Variants in CDC42BPA observed in about 807,000 individuals in gnomAD.
The protein encoded by CDC42BPA is serine/threonine-protein kinase MRCK alpha.
A neutral mutation model predicts 223.5 loss-of-function variants in CDC42BPA; 80 were observed. That is an observed-to-expected ratio of 0.36 (90% CI 0.30 to 0.43). The LOEUF (loss-of-function observed/expected upper bound fraction) is 0.43. Among genes scored for constraint, CDC42BPA ranks in the 20% least tolerant of loss-of-function variants. CDC42BPA has a pLI of 1.00. For missense variants in CDC42BPA, 1,743 were observed against 2,099.9 expected (o/e 0.83, Z 3.32); for synonymous variants, 694 against 718.6 (o/e 0.97, Z 0.55).
chr1:227,197,450 AT>A (rs1670943105), intron 4 of CDC42BPA, among the ~76,000 whole-genome samples: 1 of 152,088 alleles, frequency 6.6e-6, no homozygotes, highest in Admixed American at 6.5e-5. Context: ...CTTTAATTCT[AT>A]TTTAGTAATT....
intron 2 of CDC42BPA, among the ~76,000 whole-genome samples, chr1:227,220,497 T>A (rs1238792461): frequency 2.6e-5 from 4 of 151,756 alleles, no homozygotes; most frequent in African/African-American, 9.7e-5. Context: ...CTAACATTAA[T>A]TCTATCACTC....
At chr1:227,126,523 A>AGGAAGGAAGGAAGGAAGGAAG (rs1558556516) in intron 11 of CDC42BPA, among the ~76,000 whole-genome samples, 1 of 96,510 alleles carries the variant, frequency 1.0e-5, no homozygotes, top group Admixed American at 9.9e-5. Flanking sequence ...AAGGAAGGTA[A>AGGAAGGAAGGAAGGAAGGAAG]GAAAGGAAAA....
chr1:227,274,431 C>T (rs1350554444), intron 1 of CDC42BPA, among the ~76,000 whole-genome samples: 3 of 151,938 alleles, frequency 2.0e-5, no homozygotes, highest in African/African-American at 7.3e-5. Context: ...AGTCTCAAAC[C>T]GAAGAGAAAT....
At position 227,092,815 on chromosome 1, in the gene CDC42BPA, A is replaced by G. The variant is rs550824145; in HGVS notation, c.2250-824T>C. 5.3e-5 allele frequency among the ~76,000 whole-genome samples: 8 copies of G among 152,260 alleles called. No homozygotes were observed. In the South Asian group the frequency reaches 1.7e-3, roughly 32 times the overall value. ...GTAAATATTTTACTGCATTTTCTCT[A>G]TTATTGTGTATATACCGATTTTATT... On this transcript the variant is annotated intron_variant, in intron 15 of 36. Coordinates refer to ENST00000366766, the MANE Select transcript of CDC42BPA (RefSeq NM_001394014.1).
At chr1:227,022,170 G>A (rs759226693) in intron 32 of CDC42BPA, among the ~76,000 whole-genome samples, 1 of 152,152 alleles carries the variant, frequency 6.6e-6, no homozygotes, top group Non-Finnish European at 1.5e-5. Context: ...GATGGCTCAG[G>A]CCTATAATCC....
chr1:227,087,291 C>T (rs762784816), intron 16 of CDC42BPA, among the ~76,000 whole-genome samples: 2 of 152,116 alleles, frequency 1.3e-5, no homozygotes, highest in African/African-American at 4.8e-5. Flanking sequence ...TCCAATTGTT[C>T]CAGTACTATA....
chr1:227,237,032 G>C (rs141104588), intron 2 of CDC42BPA, among the ~76,000 whole-genome samples: 30 of 103,950 alleles, frequency 2.9e-4, no homozygotes, highest in African/African-American at 1.2e-3. Flanking sequence ...GACAGAATGA[G>C]ACCCGGTCTC....
At chr1:227,261,124 C>CTTTCTTTTTTTGTTTTTTTTTT (rs386417862) in intron 1 of CDC42BPA, among the ~76,000 whole-genome samples, 1 of 121,002 alleles carries the variant, frequency 8.3e-6, no homozygotes, top group Non-Finnish European at 1.7e-5. Context: ...TTGAGTTTTT[C>CTTTCTTTTTTTGTTTTTTTTTT]TTTTTTTTTG....
chr1:227,233,126 T>C (rs1678336182), intron 2 of CDC42BPA, among the ~76,000 whole-genome samples: 1 of 152,248 alleles, frequency 6.6e-6, no homozygotes, highest in African/African-American at 2.4e-5. Context: ...ACCTGTCTTC[T>C]GCGTCACTCA....
intron 1 of CDC42BPA, among the ~76,000 whole-genome samples, chr1:227,257,287 T>C (rs1683243539): frequency 6.6e-6 from 1 of 151,482 alleles, no homozygotes; most frequent in Admixed American, 6.6e-5. Flanking sequence ...ATATTATAAA[T>C]ATAATTTAAT....
chr1:227,060,875 C>T (rs1675785366), intron 21 of CDC42BPA, among the ~76,000 whole-genome samples: 2 of 151,798 alleles, frequency 1.3e-5, no homozygotes. Flanking sequence ...GTGCGCGCCA[C>T]CATGCCCGGC....
intron 1 of CDC42BPA, among the ~76,000 whole-genome samples, chr1:227,290,440 G>A (rs1689505740): frequency 6.6e-6 from 1 of 151,220 alleles, no homozygotes; most frequent in Non-Finnish European, 1.5e-5. Context: ...ATACTTTACT[G>A]TACATTTAAA....
chr1:227,206,332 A>G (rs1193836373), intron 3 of CDC42BPA, among the ~76,000 whole-genome samples: 3 of 138,566 alleles, frequency 2.2e-5, no homozygotes, highest in Admixed American at 1.5e-4. Flanking sequence ...TTTGTAAATG[A>G]TAAATCTGTG....
At chr1:227,084,072 T>C (rs1217404397) in intron 16 of CDC42BPA, among the ~76,000 whole-genome samples, 1 of 150,852 alleles carries the variant, frequency 6.6e-6, no homozygotes, top group Non-Finnish European at 1.5e-5. Flanking sequence ...AGTCCTGGTT[T>C]CCTTGTTGTC....
At chr1:227,003,908 G>A (rs1347419460) in intron 35 of CDC42BPA, 1 of 152,030 alleles carries the variant, frequency 6.6e-6, no homozygotes, top group East Asian at 1.9e-4. Flanking sequence ...GGTCATGTAT[G>A]TATTTTTACC....
At chr1:227,291,739 T>C (rs2148659166) in intron 1 of CDC42BPA, among the ~76,000 whole-genome samples, 1 of 152,296 alleles carries the variant, frequency 6.6e-6, no homozygotes, top group East Asian at 1.9e-4. Flanking sequence ...TCAGGTTTTC[T>C]GTTCCAACCA....
chr1:227,046,070 TGCTG>T (rs1672384736), intron 23 of CDC42BPA, among the ~76,000 whole-genome samples: 1 of 152,158 alleles, frequency 6.6e-6, no homozygotes, highest in Non-Finnish European at 1.5e-5. Context: ...CCTCCCAAAA[TGCTG>T]GCATTACAGG....
At chr1:227,157,744 T>C (rs1364822674) in intron 6 of CDC42BPA, among the ~76,000 whole-genome samples, 1 of 152,072 alleles carries the variant, frequency 6.6e-6, no homozygotes. Flanking sequence ...TTTTTCACAT[T>C]GGCTCATCTC....
chr1:227,167,543 T>C (rs552081067), intron 5 of CDC42BPA, among the ~76,000 whole-genome samples: 1 of 152,314 alleles, frequency 6.6e-6, no homozygotes, highest in African/African-American at 2.4e-5. Context: ...GGTTCCTCTT[T>C]TCCCAGAAGC....
Sources: allele counts gnomAD v4.1 joint callset (sites outside exome capture counted in the v4.1 genomes callset), GRCh38; gene constraint gnomAD v4.1.1; transcripts MANE v1.5; gene names NCBI Gene and HGNC (gene_info 2026-07-23, HGNC 2026-07-21).